The following LPL variants were observed in gnomAD, a reference collection of about 807,000 sequenced individuals.
The protein encoded by LPL is phospholipase A1.
A neutral mutation model predicts 52.2 loss-of-function variants in LPL; 43 were observed. The observed-to-expected ratio is 0.82, with a 90% CI of 0.64 to 1.06. LPL has a LOEUF of 1.06. Among genes scored for constraint, LPL ranks in the 50% least tolerant of loss-of-function variants. The pLI, the probability that LPL is intolerant of heterozygous loss-of-function variation, is 0.00. For missense variants in LPL, 639 were observed against 585.3 expected, an observed-to-expected ratio of 1.09 and a Z score of -0.95; for synonymous variants, 244 against 215.6, an observed-to-expected ratio of 1.13 and a Z score of -1.15.
At chr8:19,948,049 T>A in intron 1 of LPL, 131 bp from the exon 2 acceptor site, 1 of 892,710 alleles carries the variant, frequency 1.1e-6, no homozygotes, top group East Asian at 2.5e-5. Flanking sequence ...CAATCCACAT[T>A]CGTTTTCGAA....
At chr8:19,957,897 G>A (rs1488697354) in intron 6 of LPL, among the ~76,000 whole-genome samples, 1 of 151,742 alleles carries the variant, frequency 6.6e-6, no homozygotes, top group African/African-American at 2.4e-5. Context: ...CTCAGCTTAA[G>A]AGAAAATACA....
intron 2 of LPL, 161 bp downstream of exon 2, chr8:19,948,501 C>T: frequency 1.2e-6 from 1 of 808,608 alleles, no homozygotes; most frequent in Non-Finnish European, 1.9e-6. Flanking sequence ...GATCTGAAGC[C>T]ACAGGTTCAT....
chr8:19,939,674 T>A lies in LPL; in HGVS notation c.88+146T>A. The A allele has an allele frequency of 1.2e-6, 1 of 810,662 alleles. No individual in the cohort carries two copies. Among genetic ancestry groups the A allele is most frequent in the Non-Finnish European group, 1.9e-6 (1 of 516,872 alleles). The allele number at this position is 810,662 out of a possible 1,614,324, so 50.2% of individuals were successfully genotyped here. ...AGCCTGGGCTCTAGCCCCGAAACGG[T>A]CCCCGGAGTGGGATCCAGGAGGGGC... On this transcript the variant is annotated intron_variant, in intron 1 of 9. Transcript: ENST00000650287. This position sits in a 1 kb window ranked among gnomAD's most constrained non-coding sequence, Gnocchi z 4.0.
Position 19,962,173 on chromosome 8 carries a change from G to C in LPL, c.1381G>C (p.Val461Leu). Residue 461 changes from valine (V) to leucine (L), a missense_variant, in exon 9 of 10, where the codon GTA becomes CTA. Val to Leu is a conservative substitution (Grantham distance 32). Coordinates refer to ENST00000650287, the MANE Select transcript of LPL (RefSeq NM_000237.3). Reference protein sequence around the residue: ...SHLQKGKAPAVFVKCHDKSLN... With the variant: ...SHLQKGKAPALFVKCHDKSLN... Reference sequence around the variant, plus strand: ...TTTGCAGAAAGGAAAGGCACCTGCGGTATTTGTGAAATGCCATGACAAGTC... The same window carrying C: ...TTTGCAGAAAGGAAAGGCACCTGCGCTATTTGTGAAATGCCATGACAAGTC... The C allele has an allele frequency of 6.2e-7, 1 of 1,613,944 alleles. No individual in the cohort carries two copies. The highest frequency in any genetic ancestry group is 8.5e-7 in the Non-Finnish European group (1 of 1,179,844).
intron 2 of LPL, 130 bp from the exon 3 acceptor site, chr8:19,951,639 A>C: frequency 1.0e-6 from 1 of 1,003,960 alleles, no homozygotes; most frequent in Non-Finnish European, 1.6e-6. Flanking sequence ...CTGTTATTTG[A>C]TTTTTCTATC....
rs112456662 is a variant in LPL, at chr8:19,944,712, C to A, written c.89-3468C>A. 8.5e-5 allele frequency among the ~76,000 whole-genome samples: 13 copies of A among 152,172 alleles called. No homozygotes were observed. Among genetic ancestry groups the A allele is most frequent in the African/African-American group, 3.1e-4 (13 of 41,432 alleles). On this transcript the variant is annotated intron_variant, in intron 1 of 9. Transcript: ENST00000650287. This position sits in a 1 kb window ranked among gnomAD's most constrained non-coding sequence, Gnocchi z 4.2. ...GTGCTTTAACTTCTCAGCCTAATTTCGTCTCTGTGAGTTATTATCTATGTT... is the reference window on the plus strand; with the variant it reads ...GTGCTTTAACTTCTCAGCCTAATTTAGTCTCTGTGAGTTATTATCTATGTT...
intron 4 of LPL, 100 bp from the exon 5 acceptor site, chr8:19,954,019 TC>T (rs1346411181): frequency 1.2e-6 from 1 of 832,994 alleles, no homozygotes; most frequent in Non-Finnish European, 2.1e-6. Flanking sequence ...CTAATAAGAA[TC>T]TAAATAGCTG....
chr8:19,939,649 A>T lies in LPL; in HGVS notation c.88+121A>T. 1 of 1,027,866 alleles carries T rather than the reference A, an allele frequency of 9.7e-7. No individual in the cohort carries two copies. Among genetic ancestry groups the T allele is most frequent in the Non-Finnish European group, 1.4e-6 (1 of 698,634 alleles). The allele number at this position is 1,027,866 out of a possible 1,614,324, so 63.7% of individuals were successfully genotyped here. ...GGTGGATGCGCCCAGGGACTCTCCC[A>T]GCCTGGGCTCTAGCCCCGAAACGGT... On this transcript the variant is annotated intron_variant, in intron 1 of 9. Coordinates refer to ENST00000650287, the MANE Select transcript of LPL (RefSeq NM_000237.3). This position sits in a 1 kb window ranked among gnomAD's most constrained non-coding sequence, Gnocchi z 4.0.
intron 1 of LPL, among the ~76,000 whole-genome samples, chr8:19,940,066 G>A (rs1485173825): frequency 6.6e-5 from 10 of 152,306 alleles, no homozygotes; most frequent in African/African-American, 2.4e-4. Flanking sequence ...CAGCCGCACG[G>A]GGTACGCTCG....
intron 3 of LPL, among the ~76,000 whole-genome samples, chr8:19,952,875 T>A (rs554457416): frequency 1.3e-5 from 2 of 152,208 alleles, no homozygotes; most frequent in South Asian, 4.1e-4. Context: ...ACCCATATAC[T>A]ATACATTCAA....
At chr8:19,940,639 T>C (rs867018558) in intron 1 of LPL, among the ~76,000 whole-genome samples, 35 of 152,260 alleles carry the variant, frequency 2.3e-4, no homozygotes, top group African/African-American at 8.4e-4. Flanking sequence ...TTTTCTTCCA[T>C]GCTGGAATTG....
At position 19,948,240 on chromosome 8, in the gene LPL, C is replaced by G. The variant is rs148201569; in HGVS notation, c.149C>G (p.Ala50Gly). 191 of 1,614,126 alleles carry G rather than the reference C, an allele frequency of 1.2e-4. No individual in the cohort carries two copies. The African/African-American group carries it at 2.3e-3, about 20-fold the overall frequency. ...KFALRTPEDT[A>G]EDTCHLIPGV... is the part of the protein sequence containing the mutation. ...GCCCTAAGGACCCCTGAAGACACAG[C>G]TGAGGACACTTGCCACCTCATTCCC... Residue 50 changes from alanine (A) to glycine (G), a missense_variant, in exon 2 of 10, where the codon GCT becomes GGT. Transcript: ENST00000650287.
chr8:19,945,945 G>A (rs565856645), intron 1 of LPL, among the ~76,000 whole-genome samples: 4 of 152,334 alleles, frequency 2.6e-5, no homozygotes, highest in African/African-American at 9.6e-5. Flanking sequence ...AGGTGTGGGA[G>A]AGGGTGAAAT....
At chr8:19,953,061 T>C (rs1173298379) in intron 3 of LPL, among the ~76,000 whole-genome samples, 1 of 152,152 alleles carries the variant, frequency 6.6e-6, no homozygotes, top group Non-Finnish European at 1.5e-5. Context: ...ACTTTGTAAT[T>C]TAAATCTGCT....
intron 1 of LPL, among the ~76,000 whole-genome samples, chr8:19,943,068 C>T (rs550982912): frequency 2.0e-5 from 3 of 152,188 alleles, no homozygotes; most frequent in Non-Finnish European, 4.4e-5. Flanking sequence ...ACCCAGTTGG[C>T]GTGGCCACAC....
rs1417139117 is a variant in LPL at position 19,966,472 on chromosome 8, C to T, written c.*1162C>T. On this transcript the variant is annotated 3_prime_UTR_variant, in exon 10 of 10. Coordinates refer to ENST00000650287, the MANE Select transcript of LPL (RefSeq NM_000237.3). The stretch of plus-strand genomic sequence containing the variant: ...GGTTGCTATTTGTTGTTTTTAACAA[C>T]TAATCAAGAGTGAGTGAACAACTAT... 1 of 152,126 alleles carries T rather than the reference C, an allele frequency of 6.6e-6. No homozygotes were observed. Among genetic ancestry groups the T allele is most frequent in the South Asian group, 2.1e-4 (1 of 4,830 alleles). The allele number at this position is 152,126 out of a possible 1,614,324, so 9.4% of individuals were successfully genotyped here.
At chr8:19,954,826 T>A (rs2069969665) in intron 5 of LPL, among the ~76,000 whole-genome samples, 2 of 152,196 alleles carry the variant, frequency 1.3e-5, no homozygotes. Flanking sequence ...TTATGATTTT[T>A]GTTTGTTTGT....
At chr8:19,953,248 GT>G (rs2069950253) in intron 3 of LPL, 61 bp from the exon 4 acceptor site, 1 of 961,064 alleles carries the variant, frequency 1.0e-6, no homozygotes, top group Non-Finnish European at 1.7e-6. Flanking sequence ...TATTCATTTT[GT>G]TTCTTTTAGT....
intron 4 of LPL, 46 bp from the exon 5 acceptor site, chr8:19,954,074 G>C (rs555126466): frequency 1.5e-6 from 2 of 1,374,022 alleles, no homozygotes; most frequent in Non-Finnish European, 2.1e-6. Flanking sequence ...AATGTCATAC[G>C]AATGGAAATT....
Sources: gnomAD v4.1 joint callset for allele counts (sites outside exome capture counted in the v4.1 genomes callset) on GRCh38, gnomAD v4.1.1 for gene constraint, Gnocchi (gnomAD v3.1) non-coding constraint, MANE v1.5 for transcripts, NCBI Gene and HGNC (gene_info 2026-07-23, HGNC 2026-07-21) for gene names.